The following PCDHGB5 variants were observed in gnomAD, a reference collection of about 807,000 sequenced individuals.
PCDHGB5 encodes the protein protocadherin gamma-B5.
Under a neutral mutation model 62.9 loss-of-function variants are expected in PCDHGB5, and 48 were observed. That is an observed-to-expected ratio of 0.76 (90% CI 0.61 to 0.97). The LOEUF is 0.97. Among genes scored for constraint, PCDHGB5 ranks in the 50% least tolerant of loss-of-function variants. The pLI, the probability that PCDHGB5 is intolerant of heterozygous loss-of-function variation, is 0.00. For missense variants in PCDHGB5, 1,118 were observed against 1,198.6 expected (o/e 0.93, Z 0.99); for synonymous variants, 474 against 511.2 (o/e 0.93, Z 0.98).
intron 1 of PCDHGB5, among the ~76,000 whole-genome samples, chr5:141,451,072 C>A (rs2098705989): frequency 6.6e-6 from 1 of 152,026 alleles, no homozygotes; most frequent in African/African-American, 2.4e-5. Context: ...TTGTGATCCA[C>A]CCACCTTGAC....
intron 1 of PCDHGB5, among the ~76,000 whole-genome samples, chr5:141,459,220 A>G (rs1234283814): frequency 6.6e-6 from 1 of 152,234 alleles, no homozygotes; most frequent in Non-Finnish European, 1.5e-5. Flanking sequence ...CTCCAGCTCC[A>G]GGCAACAACT....
In PCDHGB5 at chr5:141,421,591, G is replaced by A. The variant is rs1273484124; in HGVS notation, c.2397+21067G>A. The A allele has an allele frequency of 1.9e-6, 3 of 1,613,756 alleles. No homozygotes were observed. In the Admixed American group the frequency reaches 5.0e-5, roughly 27 times the overall value. ...CACCTTGAAGATTTACGGAGTGGAG[G>A]TGGAAATAATAGATATTAATGATAA... is the stretch of plus-strand genomic sequence containing the variant. On this transcript the variant is annotated intron_variant, in intron 1 of 3. Transcript: ENST00000617380.
intron 1 of PCDHGB5, chr5:141,409,609 C>T: frequency 1.2e-6 from 2 of 1,613,938 alleles, no homozygotes; most frequent in Non-Finnish European, 1.7e-6. Flanking sequence ...CGCCAGGAGC[C>T]TCCATTGCGC....
chr5:141,485,274 C>T lies in PCDHGB5; in HGVS notation c.2398-9533C>T. On this transcript the variant is annotated intron_variant, in intron 1 of 3. Transcript: ENST00000617380. The surrounding 1 kb of genome is among the most constrained non-coding windows in gnomAD (Gnocchi z 5.7). Reference sequence around the variant, plus strand: ...TACGTTTGTGGGCAGATCCGCTACCCGGTCCCAGAGGAGTCACAGGAAGGG... The same window carrying T: ...TACGTTTGTGGGCAGATCCGCTACCTGGTCCCAGAGGAGTCACAGGAAGGG... The T allele has an allele frequency of 6.2e-7, 1 of 1,614,106 alleles. No individual in the cohort carries two copies. Among genetic ancestry groups the T allele is most frequent in the South Asian group, 1.1e-5 (1 of 91,086 alleles).
chr5:141,418,666 G>C, intron 1 of PCDHGB5: 1 of 1,614,038 alleles, frequency 6.2e-7, no homozygotes, highest in Non-Finnish European at 8.5e-7. Context: ...CCACTGACCA[G>C]GACGAGGGCA....
At chr5:141,464,116 T>A (rs1195883274) in intron 1 of PCDHGB5, among the ~76,000 whole-genome samples, 1 of 151,922 alleles carries the variant, frequency 6.6e-6, no homozygotes, top group African/African-American at 2.4e-5. Context: ...AATACAAAAA[T>A]TAGCTGGGTG....
rs926566427 is a variant in PCDHGB5, at chr5:141,505,127, A to T, written c.2457-266A>T. Among the ~76,000 whole-genome samples, 9 of 152,158 alleles carry T rather than the reference A, an allele frequency of 5.9e-5. No homozygotes were observed. The East Asian group carries it at 1.5e-3, about 26-fold the overall frequency. The stretch of plus-strand genomic sequence containing the variant: ...CAATGAGCCAAGATCGCGCCACTGC[A>T]CTCCAGCCTGGATGACAGAGTAAGA... On this transcript the variant is annotated intron_variant, in intron 2 of 3. Transcript: ENST00000617380.
intron 1 of PCDHGB5, among the ~76,000 whole-genome samples, chr5:141,456,406 G>A (rs1038971451): frequency 2.0e-5 from 3 of 152,080 alleles, no homozygotes; most frequent in South Asian, 2.1e-4. Flanking sequence ...GCTTCTAGGC[G>A]AGAAGAAACA....
intron 1 of PCDHGB5, chr5:141,478,608 G>C (rs751033009): frequency 7.7e-6 from 12 of 1,558,942 alleles, no homozygotes; most frequent in Middle Eastern, 1.7e-4. Context: ...ATCATATTGA[G>C]GAAGGAATGG....
intron 1 of PCDHGB5, chr5:141,419,710 C>T: frequency 6.2e-7 from 1 of 1,613,168 alleles, no homozygotes; most frequent in South Asian, 1.1e-5. Context: ...CCGGGCTCTT[C>T]AGCCTGGGGC....
At chr5:141,501,334 C>CA (rs2099808390) in intron 2 of PCDHGB5, among the ~76,000 whole-genome samples, 1 of 145,376 alleles carries the variant, frequency 6.9e-6, no homozygotes, top group Non-Finnish European at 1.5e-5. Flanking sequence ...CACACACACA[C>CA]CCCAAACTCA....
At position 141,477,020 on chromosome 5, in the gene PCDHGB5, G is replaced by A; in HGVS notation, c.2398-17787G>A. The A allele has an allele frequency of 6.2e-7, 1 of 1,614,224 alleles. No individual in the cohort carries two copies. Among genetic ancestry groups the A allele is most frequent in the Non-Finnish European group, 8.5e-7 (1 of 1,180,048 alleles). ...ACTATTCGCCTTAGACCTTGTAACC[G>A]GGATGCTGACAATCAAGGGTCGGCT... On this transcript the variant is annotated intron_variant, in intron 1 of 3. Transcript: ENST00000617380. This position sits in a 1 kb window ranked among gnomAD's most constrained non-coding sequence, Gnocchi z 4.9.
Position 141,398,135 on chromosome 5 carries a change from G to C in PCDHGB5, c.8G>C (p.Ser3Thr). 1 of 1,556,792 alleles carries C rather than the reference G, an allele frequency of 6.4e-7. No individual in the cohort carries two copies. The highest frequency in any genetic ancestry group is 8.6e-7 in the Non-Finnish European group (1 of 1,157,318). Residue 3 changes from serine to threonine, a missense_variant, in exon 1 of 4, where the codon AGC becomes ACC. Physicochemically the swap from Ser to Thr is moderately conservative, Grantham distance 58 (BLOSUM62 1). Around this residue, in one of 2 missense-constraint regions of PCDHGB5, gnomAD observed 84 missense variants for 169.5 expected, o/e 0.50. Coordinates refer to ENST00000617380, the MANE Select transcript of PCDHGB5 (RefSeq NM_018925.3). The part of the protein sequence containing the change: MG[S>T]GAGELGRAER... ...CTGAGGAGAGCAAGAGGGATGGGGA[G>C]CGGCGCCGGGGAGCTGGGCCGGGCT...
intron 1 of PCDHGB5, among the ~76,000 whole-genome samples, chr5:141,492,854 G>A (rs1361942466): frequency 6.6e-6 from 1 of 152,212 alleles, no homozygotes; most frequent in Non-Finnish European, 1.5e-5. Flanking sequence ...AAAGCCTCGA[G>A]CGCCCTGGCT....
Position 141,431,500 on chromosome 5 carries a change from C to T in PCDHGB5, c.2397+30976C>T, listed in dbSNP as rs903027252. On this transcript the variant is annotated intron_variant, in intron 1 of 3. Transcript: ENST00000617380. This position sits in a 1 kb window ranked among gnomAD's most constrained non-coding sequence, Gnocchi z 4.8. ...CACCAGCGTTTGCTCAGCCCGAGTACCGCGCGAGCGTTCCGGAGAATCTGG... is the reference window on the plus strand; with the variant it reads ...CACCAGCGTTTGCTCAGCCCGAGTATCGCGCGAGCGTTCCGGAGAATCTGG... The T allele has an allele frequency of 4.4e-5, 71 of 1,613,894 alleles. No individual in the cohort carries two copies. The highest frequency in any genetic ancestry group is 5.9e-5 in the Non-Finnish European group (70 of 1,180,050).
chr5:141,414,995 G>C (rs1431326081), intron 1 of PCDHGB5: 14 of 1,613,640 alleles, frequency 8.7e-6, no homozygotes, highest in Non-Finnish European at 1.2e-5. Context: ...CAGAACGCCT[G>C]GCTGTCCTAC....
Position 141,510,956 on chromosome 5 carries a change from A to T in PCDHGB5, c.2555A>T (p.Asp852Val). 1 of 1,614,104 alleles carries T rather than the reference A, an allele frequency of 6.2e-7. No homozygotes were observed. The highest frequency in any genetic ancestry group is 8.5e-7 in the Non-Finnish European group (1 of 1,179,996). The change falls in exon 4 of 4, where the codon GAT becomes GTT. Residue 852 changes from aspartate to valine, a missense_variant. Asp to Val is a radical substitution (Grantham distance 152). This residue lies in a region of PCDHGB5 where 1,034 missense variants were observed against 1,029.1 expected (regional missense o/e 1.00). Transcript: ENST00000617380. ...MILASASEAA[D>V]GSSTLGGGAG... ...TCCTCTGTCTCTGCAGAAGCTGCTG[A>T]TGGGAGCTCCACCCTGGGAGGGGGT...
chr5:141,468,443 G>A (rs760789357), intron 1 of PCDHGB5: 6 of 152,124 alleles, frequency 3.9e-5, no homozygotes, highest in Non-Finnish European at 8.8e-5. Context: ...AAATGTGGGT[G>A]CAAAATTAAA....
chr5:141,410,246 TCTGACCCCCAGG>T (rs2095371499), intron 1 of PCDHGB5: 2 of 1,614,004 alleles, frequency 1.2e-6, no homozygotes, highest in Admixed American at 3.3e-5. Flanking sequence ...CCCTGTACTC[TCTGACCCCCAGG>T]CTGAACTGCA....
Sources: allele counts gnomAD v4.1 joint callset (sites outside exome capture counted in the v4.1 genomes callset), GRCh38; gene constraint gnomAD v4.1.1; regional missense constraint gnomAD v4.1.1; non-coding constraint Gnocchi (gnomAD v3.1); transcripts MANE v1.5; gene names NCBI Gene and HGNC (gene_info 2026-07-23, HGNC 2026-07-21).